The following PDZD2 variants were observed in gnomAD, a reference collection of about 807,000 sequenced individuals.
PDZD2 encodes PDZ domain containing 2.
Under a neutral mutation model 220.7 loss-of-function variants are expected in PDZD2, and 90 were observed. The observed-to-expected ratio is 0.41, with a 90% confidence interval of 0.34 to 0.49. PDZD2 has a LOEUF of 0.49. PDZD2 is among the 20% of genes least tolerant of loss of function. PDZD2 has a pLI of 0.28. For synonymous variants in PDZD2, 1,375 were observed against 1,450.5 expected (o/e 0.95, Z 1.18); for missense variants, 3,174 against 3,608.5 (o/e 0.88, Z 3.08).
At chr5:31,917,798 A>G (rs928888930) in intron 2 of PDZD2, among the ~76,000 whole-genome samples, 6 of 152,138 alleles carry the variant, frequency 3.9e-5, no homozygotes, top group Non-Finnish European at 7.4e-5. Context: ...GCTGGAGTGC[A>G]ATGGCGCGAT....
intron 2 of PDZD2, among the ~76,000 whole-genome samples, chr5:31,893,555 G>C (rs547256664): frequency 1.3e-5 from 2 of 150,808 alleles, no homozygotes; most frequent in African/African-American, 4.9e-5. Flanking sequence ...GGGTGACAGA[G>C]CGAGACTCTG....
At chr5:32,024,053 G>A (rs1358932668) in intron 6 of PDZD2, among the ~76,000 whole-genome samples, 1 of 152,166 alleles carries the variant, frequency 6.6e-6, no homozygotes, top group African/African-American at 2.4e-5. Context: ...GTGGTATCAC[G>A]GTTCTTGTGA....
At chr5:31,830,258 C>T (rs552319630) in intron 2 of PDZD2, among the ~76,000 whole-genome samples, 6 of 150,866 alleles carry the variant, frequency 4.0e-5, no homozygotes, top group East Asian at 2.0e-4. Flanking sequence ...CTCCGCCTCC[C>T]GGGTTCACGC....
Position 32,110,045 on chromosome 5 carries a change from TATTG to T in PDZD2, c.*1919_*1922del, listed in dbSNP as rs67976907. On this transcript the variant is annotated 3_prime_UTR_variant, in exon 25 of 25. Coordinates refer to ENST00000438447, the MANE Select transcript of PDZD2 (RefSeq NM_178140.4). ...GCAAGGTGCATGCTTGATTGATAGATATTGATTGATTGTTTTTCAGTCTCTGGGG... is the reference window on the plus strand; with the variant it reads ...GCAAGGTGCATGCTTGATTGATAGATATTGATTGTTTTTCAGTCTCTGGGG... The T allele has an allele frequency of 0.72, 108,833 of 151,846 alleles. 39,147 individuals carry two copies. Among genetic ancestry groups the T allele is most frequent in the African/African-American group, 0.81 (33,189 of 41,194 alleles). The allele number at this position is 151,846 out of a possible 1,614,324, so 9.4% of individuals were successfully genotyped here.
intron 9 of PDZD2, 129 bp downstream of exon 9, chr5:32,052,859 G>A (rs114096471): frequency 0.011 from 10,155 of 897,842 alleles, 56 homozygotes; most frequent in Non-Finnish European, 0.013. Context: ...TGCCCAGGCC[G>A]GAGTGCAGTG....
intron 22 of PDZD2, among the ~76,000 whole-genome samples, chr5:32,097,852 A>C (rs990365853): frequency 6.6e-6 from 1 of 152,180 alleles, no homozygotes; most frequent in Non-Finnish European, 1.5e-5. Flanking sequence ...GACACTAAAA[A>C]GGAGTTAAAA....
At position 32,074,180 on chromosome 5, in the gene PDZD2, T is replaced by C; in HGVS notation, c.3074T>C (p.Leu1025Pro). The C allele has an allele frequency of 1.9e-6, 3 of 1,614,130 alleles. No individual in the cohort carries two copies. The highest frequency in any genetic ancestry group is 1.1e-5 in the South Asian group (1 of 91,078). The change falls in exon 18 of 25, where the codon CTG becomes CCG. Residue 1025 changes from leucine to proline, a missense_variant. Coordinates refer to ENST00000438447, the MANE Select transcript of PDZD2 (RefSeq NM_178140.4). ...CAAGAGGAACGACCCCGGAAAACAC[T>C]GGTGAGCAAGGCCATCTCGGCACCT... ...HNQEERPRKT[L>P]VSKAISAPLL... is the part of the protein sequence containing the mutation.
intron 17 of PDZD2, among the ~76,000 whole-genome samples, chr5:32,073,379 G>A (rs1297212581): frequency 1.3e-5 from 2 of 152,136 alleles, no homozygotes; most frequent in African/African-American, 4.8e-5. Context: ...TGTCAATCAA[G>A]CCTCCCTTTC....
intron 1 of PDZD2, among the ~76,000 whole-genome samples, chr5:31,747,241 A>G (rs1750656864): frequency 6.6e-6 from 1 of 152,196 alleles, no homozygotes; most frequent in African/African-American, 2.4e-5. Context: ...ACCCAAAGAA[A>G]TAGTAAACGT....
At chr5:31,923,267 A>G (rs1429907919) in intron 2 of PDZD2, 5 of 524,158 alleles carry the variant, frequency 9.5e-6, no homozygotes, top group Admixed American at 3.1e-5. Context: ...CCATCTCAAT[A>G]AATAAATAGA....
chr5:31,874,773 A>AAG (rs1395179215), intron 2 of PDZD2, among the ~76,000 whole-genome samples: 2 of 151,854 alleles, frequency 1.3e-5, no homozygotes, highest in Non-Finnish European at 2.9e-5. Flanking sequence ...AAAAAAAAAA[A>AAG]AAAGATAAAA....
intron 2 of PDZD2, among the ~76,000 whole-genome samples, chr5:31,927,883 G>A (rs376018785): frequency 3.3e-5 from 5 of 152,144 alleles, no homozygotes; most frequent in African/African-American, 9.7e-5. Context: ...GGGCCACACC[G>A]ACATGCACTT....
chr5:31,872,261 C>T (rs994789781), intron 2 of PDZD2, among the ~76,000 whole-genome samples: 7 of 151,950 alleles, frequency 4.6e-5, no homozygotes, highest in African/African-American at 1.7e-4. Flanking sequence ...AGTGCTCCAT[C>T]TCAGGGTCGG....
intron 2 of PDZD2, among the ~76,000 whole-genome samples, chr5:31,869,126 A>G (rs1490116036): frequency 2.0e-5 from 3 of 152,176 alleles, no homozygotes; most frequent in East Asian, 1.9e-4. Flanking sequence ...GCAAATCCCC[A>G]TCTTTCATGT....
chr5:31,687,200 C>G (rs1371152712), intron 1 of PDZD2, among the ~76,000 whole-genome samples: 1 of 152,132 alleles, frequency 6.6e-6, no homozygotes, highest in Non-Finnish European at 1.5e-5. Flanking sequence ...GTAAAGGCTC[C>G]CAGGAGCTGA....
intron 2 of PDZD2, among the ~76,000 whole-genome samples, chr5:31,953,607 G>A (rs191516490): frequency 4.0e-5 from 6 of 151,840 alleles, no homozygotes; most frequent in Admixed American, 3.9e-4. Context: ...TTGAGCCCAG[G>A]AGTTCAAGAT....
intron 2 of PDZD2, among the ~76,000 whole-genome samples, chr5:31,905,512 TG>T (rs1742563743): frequency 6.6e-6 from 1 of 152,236 alleles, no homozygotes; most frequent in Admixed American, 6.5e-5. Context: ...TTTTCCCCTC[TG>T]GGGTGGAGTT....
chr5:32,066,990 G>A (rs1358310300), intron 14 of PDZD2, among the ~76,000 whole-genome samples: 1 of 152,174 alleles, frequency 6.6e-6, no homozygotes, highest in African/African-American at 2.4e-5. Flanking sequence ...TAAACGTGGT[G>A]TTCTTAGTTG....
chr5:31,962,671 G>A (rs1379715729), intron 2 of PDZD2, among the ~76,000 whole-genome samples: 21 of 152,184 alleles, frequency 1.4e-4, no homozygotes, highest in Non-Finnish European at 1.5e-5. Context: ...CGGAGAAGGA[G>A]TGTGGTTTGC....
Sources: gnomAD v4.1 joint callset for allele counts (sites outside exome capture counted in the v4.1 genomes callset) on GRCh38, gnomAD v4.1.1 for gene constraint, MANE v1.5 for transcripts, NCBI Gene and HGNC (gene_info 2026-07-23, HGNC 2026-07-21) for gene names.